TC2N: variants seen among roughly 807,000 people sequenced by gnomAD.
TC2N encodes the protein tandem C2 domains nuclear protein.
Under a neutral mutation model 61.9 loss-of-function variants are expected in TC2N, and 51 were observed. The observed-to-expected ratio is 0.82, with a 90% CI of 0.66 to 1.04. The LOEUF (loss-of-function observed/expected upper bound fraction) is 1.04, where lower values mean the gene tolerates loss of function less well. TC2N is among the 50% of genes least tolerant of loss of function. The pLI is 0.00. For missense variants in TC2N, 556 were observed against 566.7 expected, an observed-to-expected ratio of 0.98 and a Z score of 0.19; for synonymous variants, 204 against 192.6, an observed-to-expected ratio of 1.06 and a Z score of -0.49.
At chr14:91,811,824 G>A (rs976831784) in intron 3 of TC2N, among the ~76,000 whole-genome samples, 1 of 151,940 alleles carries the variant, frequency 6.6e-6, no homozygotes, top group African/African-American at 2.4e-5. Flanking sequence ...TATAAATGGT[G>A]TAGTATTTGC....
At position 91,798,989 on chromosome 14, in the gene TC2N, C is replaced by T. The variant is rs1420877223; in HGVS notation, c.637G>A (p.Asp213Asn). Residue 213 changes from aspartate (D) to asparagine (N), a missense_variant and splice_region_variant, in exon 6 of 12, where the codon GAT (aspartate) becomes AAT (asparagine). Coordinates refer to ENST00000435962, the MANE Select transcript of TC2N (RefSeq NM_001128596.3). ...KNSQGSNRSL[D>N]TITLSGDERD... ...AAAAGTAGGATACTTTATTCCTTAC[C>T]CAGGCTTCTGTTACTCCCCTGAGAA... is the stretch of plus-strand genomic sequence containing the variant. The T allele has an allele frequency of 1.3e-6, 2 of 1,588,622 alleles. No individual in the cohort carries two copies. The highest frequency in any genetic ancestry group is 1.7e-5 in the Admixed American group (1 of 58,148).
intron 1 of TC2N, among the ~76,000 whole-genome samples, chr14:91,816,914 A>C (rs1887030029): frequency 6.6e-6 from 1 of 151,844 alleles, no homozygotes; most frequent in Admixed American, 6.6e-5. Context: ...TTAATCTTAA[A>C]TTCTTATATC....
At position 91,782,803 on chromosome 14, in the gene TC2N, C is replaced by T. The variant is rs541441369; in HGVS notation, c.*297G>A. 1.4e-4 allele frequency: 35 copies of T among 253,518 alleles called. No homozygotes were observed. Among genetic ancestry groups the T allele is most frequent in the South Asian group, 4.0e-4 (4 of 10,004 alleles). The allele number at this position is 253,518 out of a possible 1,614,324, so 15.7% of individuals were successfully genotyped here. On this transcript the variant is annotated 3_prime_UTR_variant, in exon 12 of 12. Coordinates refer to ENST00000435962, the MANE Select transcript of TC2N (RefSeq NM_001128596.3). Reference sequence around the variant, plus strand: ...AAGCGAAAACATAATATAGAAAGAACTATCTATGGTTGATATTCTCACAGA... The same window carrying T: ...AAGCGAAAACATAATATAGAAAGAATTATCTATGGTTGATATTCTCACAGA...
chr14:91,792,534 C>A lies in TC2N; in HGVS notation c.880G>T (p.Val294Leu). The A allele has an allele frequency of 6.4e-7, 1 of 1,552,794 alleles. No homozygotes were observed. Residue 294 changes from valine to leucine, a missense_variant, in exon 9 of 12, where the codon GTA (valine) becomes TTA (leucine). Coordinates refer to ENST00000435962, the MANE Select transcript of TC2N (RefSeq NM_001128596.3). ...SNAIEFMETF[V>L]FAIKLQNLQT... The stretch of plus-strand genomic sequence containing the variant: ...AGATTTTGAAGTTTAATAGCAAATA[C>A]AAACGTTTCCATAAATTCAATAGCC...
At chr14:91,788,720 G>A (rs1885485040) in intron 9 of TC2N, among the ~76,000 whole-genome samples, 1 of 152,074 alleles carries the variant, frequency 6.6e-6, no homozygotes, top group Non-Finnish European at 1.5e-5. Flanking sequence ...ATATGATTCT[G>A]TATTTCAAAC....
chr14:91,816,514 G>A (rs1887007718), intron 1 of TC2N, among the ~76,000 whole-genome samples: 1 of 151,762 alleles, frequency 6.6e-6, no homozygotes, highest in Admixed American at 6.6e-5. Context: ...ATATTTGAGA[G>A]ATTAACACTT....
At chr14:91,806,982 A>G (rs535240158) in intron 3 of TC2N, among the ~76,000 whole-genome samples, 24 of 152,344 alleles carry the variant, frequency 1.6e-4, no homozygotes, top group African/African-American at 4.8e-4. Context: ...CCTGCATCCC[A>G]GTTGCTCTAG....
intron 3 of TC2N, among the ~76,000 whole-genome samples, chr14:91,808,417 C>T (rs371072497): frequency 9.2e-5 from 14 of 152,122 alleles, no homozygotes; most frequent in Admixed American, 3.9e-4. Flanking sequence ...CAGAACATAT[C>T]GCCATTGTTA....
rs182386419 is a variant in TC2N at position 91,786,341 on chromosome 14, T to C, written c.1163-980A>G. On this transcript the variant is annotated intron_variant, in intron 10 of 11. Transcript: ENST00000435962. ...AGGTGACATTAGTCTATAATTACTT[T>C]TTGTGTGTGCTATCCATTCTGTTTT... is the stretch of plus-strand genomic sequence containing the variant. 1.1e-4 allele frequency among the ~76,000 whole-genome samples: 16 copies of C among 152,368 alleles called. No individual in the cohort carries two copies. In the East Asian group the frequency reaches 2.9e-3, roughly 28 times the overall value.
chr14:91,819,280 A>C (rs953123281), intron 1 of TC2N, among the ~76,000 whole-genome samples: 6 of 152,148 alleles, frequency 3.9e-5, no homozygotes, highest in African/African-American at 1.4e-4. Context: ...CAATAAGCTG[A>C]GATCATGCCA....
intron 11 of TC2N, among the ~76,000 whole-genome samples, 189 bp downstream of exon 11, chr14:91,784,973 C>A (rs547111316): frequency 2.0e-5 from 3 of 152,210 alleles, no homozygotes; most frequent in Non-Finnish European, 4.4e-5. Context: ...CCTGATTGCT[C>A]AGAAATTCCA....
At chr14:91,834,711 G>A (rs903091787) in intron 1 of TC2N, among the ~76,000 whole-genome samples, 1 of 152,050 alleles carries the variant, frequency 6.6e-6, no homozygotes, top group Non-Finnish European at 1.5e-5. Flanking sequence ...CTCCCAGATA[G>A]ACTTCTCTCC....
intron 8 of TC2N, among the ~76,000 whole-genome samples, chr14:91,795,981 G>A (rs1038652843): frequency 3.3e-5 from 5 of 151,830 alleles, no homozygotes; most frequent in African/African-American, 7.3e-5. Context: ...CACACTTTCT[G>A]TATTTTGCCA....
intron 1 of TC2N, among the ~76,000 whole-genome samples, chr14:91,831,938 A>G (rs1305903428): frequency 6.6e-6 from 1 of 152,236 alleles, no homozygotes. Flanking sequence ...AAGTTGACAG[A>G]GTCAACTATA....
At chr14:91,848,432 C>A (rs2402075) in intron 1 of TC2N, among the ~76,000 whole-genome samples, 128,152 of 152,106 alleles carry the variant, frequency 0.84, 57,014 homozygotes, top group Non-Finnish European at 0.97. Context: ...TTCCCTTTAT[C>A]CCCTTTTCTG....
chr14:91,804,721 A>G (rs1359291529), intron 3 of TC2N, among the ~76,000 whole-genome samples: 1 of 152,192 alleles, frequency 6.6e-6, no homozygotes, highest in Admixed American at 6.5e-5. Context: ...AAACTACAAT[A>G]TTCAGGGATA....
chr14:91,809,301 A>T (rs1267113653), intron 3 of TC2N, among the ~76,000 whole-genome samples: 2 of 152,100 alleles, frequency 1.3e-5, no homozygotes, highest in Non-Finnish European at 2.9e-5. Context: ...CTAGTTACTC[A>T]GGAGGCTGAG....
intron 1 of TC2N, among the ~76,000 whole-genome samples, chr14:91,862,339 C>CAAAA (rs56816512): frequency 9.4e-6 from 1 of 106,486 alleles, no homozygotes; most frequent in African/African-American, 3.4e-5. Context: ...GACTCTGTCT[C>CAAAA]AAAAAAAAAA....
intron 1 of TC2N, among the ~76,000 whole-genome samples, chr14:91,832,390 CA>C (rs33961348): frequency 1.5e-5 from 2 of 136,378 alleles, no homozygotes; most frequent in African/African-American, 2.7e-5. Context: ...AACTCCGTCT[CA>C]AAAAAAAAAA....
Sources: gnomAD v4.1 joint callset for allele counts (sites outside exome capture counted in the v4.1 genomes callset) on GRCh38, gnomAD v4.1.1 for gene constraint, MANE v1.5 for transcripts, NCBI Gene and HGNC (gene_info 2026-07-23, HGNC 2026-07-21) for gene names.